Variants in IFT52 observed in about 807,000 individuals in gnomAD.
The protein encoded by IFT52 is intraflagellar transport 52.
Under a neutral mutation model 54.4 loss-of-function variants are expected in IFT52, and 44 were observed. That is an observed-to-expected ratio of 0.81 (90% confidence interval 0.63 to 1.04). IFT52 has a LOEUF of 1.04. Among genes scored for constraint, IFT52 ranks in the 50% least tolerant of loss-of-function variants. The probability of loss-of-function intolerance (pLI) is 0.00; values close to 1 mark genes in which losing one functional copy is unlikely to be tolerated. For missense variants in IFT52, 452 were observed against 523.6 expected, an observed-to-expected ratio of 0.86 and a Z score of 1.33; for synonymous variants, 181 against 185.3, an observed-to-expected ratio of 0.98 and a Z score of 0.19.
chr20:43,624,107 A>G (rs1300287568), intron 10 of IFT52, 62 bp downstream of exon 10: 4 of 1,546,464 alleles, frequency 2.6e-6, no homozygotes, highest in African/African-American at 2.7e-5. Flanking sequence ...GTTTGGAAAC[A>G]TGAACCTGGG....
At chr20:43,634,214 G>GAAAA (rs11086885) in intron 10 of IFT52, among the ~76,000 whole-genome samples, 1 of 149,644 alleles carries the variant, frequency 6.7e-6, no homozygotes, top group Non-Finnish European at 1.5e-5. Context: ...GTGCATAAAT[G>GAAAA]AAAAAAAAAA....
At chr20:43,620,674 AG>A (rs1318532497) in intron 8 of IFT52, among the ~76,000 whole-genome samples, 182 bp from the exon 9 acceptor site, 1 of 152,208 alleles carries the variant, frequency 6.6e-6, no homozygotes, top group Non-Finnish European at 1.5e-5. Flanking sequence ...AAGGTGCATT[AG>A]GGTGAAGAAA....
chr20:43,597,141 G>A (rs1209390388), intron 3 of IFT52, among the ~76,000 whole-genome samples: 1 of 151,708 alleles, frequency 6.6e-6, no homozygotes, highest in Non-Finnish European at 1.5e-5. Flanking sequence ...GGAGGCCGAG[G>A]CAGGCAGATC....
chr20:43,636,063 T>C (rs1451068280), intron 11 of IFT52, 50 bp downstream of exon 11: 2 of 1,555,004 alleles, frequency 1.3e-6, no homozygotes, highest in Non-Finnish European at 1.8e-6. Context: ...ACTGTTGCCC[T>C]TATCTTGTCA....
intron 7 of IFT52, among the ~76,000 whole-genome samples, chr20:43,615,937 AG>A (rs1983824195): frequency 3.3e-5 from 2 of 61,248 alleles, no homozygotes; most frequent in African/African-American, 9.4e-5. Flanking sequence ...TCCGTCTCAA[AG>A]AAAAAAAAAA....
chr20:43,622,800 A>T (rs1409924619), intron 9 of IFT52, among the ~76,000 whole-genome samples: 2 of 140,754 alleles, frequency 1.4e-5, no homozygotes, highest in Admixed American at 7.2e-5. Context: ...ACATATTTTT[A>T]TATGTAAATA....
intron 3 of IFT52, among the ~76,000 whole-genome samples, chr20:43,599,194 TTGCTTG>T (rs1347954227): frequency 2.6e-5 from 4 of 152,168 alleles, no homozygotes; most frequent in Non-Finnish European, 4.4e-5. Context: ...CAACACTCTA[TTGCTTG>T]TTGGGCTTCG....
At chr20:43,629,888 CA>C (rs1372062723) in intron 10 of IFT52, among the ~76,000 whole-genome samples, 1 of 152,182 alleles carries the variant, frequency 6.6e-6, no homozygotes, top group African/African-American at 2.4e-5. Context: ...CGCTGAGGCA[CA>C]GAGAAATTAA....
chr20:43,606,238 T>A (rs1200216928), intron 6 of IFT52, among the ~76,000 whole-genome samples: 1 of 151,822 alleles, frequency 6.6e-6, no homozygotes, highest in Non-Finnish European at 1.5e-5. Context: ...AAAAATTATA[T>A]TTGTCATTAT....
chr20:43,616,647 A>G (rs534847315), intron 7 of IFT52, among the ~76,000 whole-genome samples: 2 of 152,262 alleles, frequency 1.3e-5, no homozygotes, highest in African/African-American at 4.8e-5. Flanking sequence ...AGGTTGACAT[A>G]TTATTCACTT....
At chr20:43,642,351 T>G in intron 12 of IFT52, 128 bp from the exon 13 acceptor site, 1 of 811,820 alleles carries the variant, frequency 1.2e-6, no homozygotes, top group Non-Finnish European at 2.0e-6. Flanking sequence ...GTCACATTAC[T>G]TTAGGAAGAG....
rs576806865 is a variant in IFT52, at chr20:43,597,128, T to C, written c.207+606T>C. ...GGCTCACACCTGTAATCCCAACACT[T>C]TGGGAGGCCGAGGCAGGCAGATCAC... On this transcript the variant is annotated intron_variant, in intron 3 of 13. Transcript: ENST00000373030. Among the ~76,000 whole-genome samples, 97 of 151,628 alleles carry C rather than the reference T, an allele frequency of 6.4e-4. No individual in the cohort carries two copies. The East Asian group carries it at 0.011, about 17-fold the overall frequency.
intron 10 of IFT52, among the ~76,000 whole-genome samples, chr20:43,633,791 G>A (rs1317780533): frequency 6.6e-6 from 1 of 152,098 alleles, no homozygotes; most frequent in Non-Finnish European, 1.5e-5. Flanking sequence ...GATTGAAGTA[G>A]CTGTAAAGAA....
At chr20:43,628,921 G>T (rs1984954548) in intron 10 of IFT52, among the ~76,000 whole-genome samples, 1 of 152,124 alleles carries the variant, frequency 6.6e-6, no homozygotes, top group Non-Finnish European at 1.5e-5. Context: ...GGCCTCTAGG[G>T]GAGTGGGAGA....
intron 5 of IFT52, among the ~76,000 whole-genome samples, 165 bp from the exon 6 acceptor site, chr20:43,604,837 T>C (rs1387550118): frequency 2.0e-5 from 3 of 152,212 alleles, no homozygotes; most frequent in Non-Finnish European, 4.4e-5. Context: ...TCTTGCTCTG[T>C]TGCTCAGGCT....
intron 6 of IFT52, among the ~76,000 whole-genome samples, chr20:43,609,773 C>T (rs1421416959): frequency 3.3e-5 from 2 of 60,870 alleles, no homozygotes; most frequent in Non-Finnish European, 5.9e-5. Context: ...GAAACTCCGT[C>T]TCAAAAAAAA....
chr20:43,601,881 T>C (rs896733918), intron 3 of IFT52, among the ~76,000 whole-genome samples: 2 of 152,152 alleles, frequency 1.3e-5, no homozygotes, highest in Non-Finnish European at 2.9e-5. Context: ...CCCATTTGTT[T>C]TGTTTTTCTG....
intron 3 of IFT52, among the ~76,000 whole-genome samples, chr20:43,598,811 TAGAA>T (rs1002754584): frequency 3.9e-5 from 6 of 152,114 alleles, no homozygotes; most frequent in East Asian, 3.9e-4. Flanking sequence ...ACCCAGAACA[TAGAA>T]AGAGCCATTT....
At chr20:43,604,562 C>T (rs919943369) in intron 5 of IFT52, among the ~76,000 whole-genome samples, 5 of 152,054 alleles carry the variant, frequency 3.3e-5, no homozygotes, top group East Asian at 1.9e-4. Flanking sequence ...GCTGACAGAG[C>T]GAGACTTCAT....
Sources: gnomAD v4.1 joint callset for allele counts (sites outside exome capture counted in the v4.1 genomes callset) on GRCh38, gnomAD v4.1.1 for gene constraint, MANE v1.5 for transcripts, NCBI Gene and HGNC (gene_info 2026-07-23, HGNC 2026-07-21) for gene names.